The following HPSE2 variants were observed in gnomAD, a reference collection of about 807,000 sequenced individuals.
HPSE2 encodes heparanase 2 (inactive).
A neutral mutation model predicts 60.5 loss-of-function variants in HPSE2; 38 were observed. That is an observed-to-expected ratio of 0.63 (90% CI 0.48 to 0.82). The LOEUF is 0.82. HPSE2 is among the 40% of genes least tolerant of loss of function. HPSE2 has a pLI of 0.00. For missense variants in HPSE2, 713 were observed against 740.4 expected, an observed-to-expected ratio of 0.96 and a Z score of 0.43; for synonymous variants, 295 against 293.2, an observed-to-expected ratio of 1.01 and a Z score of -0.06.
chr10:98,756,194 T>C lies in HPSE2; in HGVS notation c.611-12138A>G, dbSNP rs374764905. On this transcript the variant is annotated intron_variant, in intron 3 of 11. Coordinates refer to ENST00000370552, the MANE Select transcript of HPSE2 (RefSeq NM_021828.5). ...AAAGCAGTGTTAAAAAGAAAGTTTATAGCACTAAACACCCACATGAAAAAG... is the reference window on the plus strand; with the variant it reads ...AAAGCAGTGTTAAAAAGAAAGTTTACAGCACTAAACACCCACATGAAAAAG... 3.8e-4 allele frequency among the ~76,000 whole-genome samples: 58 copies of C among 152,140 alleles called. 1 individual carries two copies. In the East Asian group the frequency reaches 8.7e-3, roughly 23 times the overall value.
At chr10:99,088,324 T>C (rs991140409) in intron 3 of HPSE2, among the ~76,000 whole-genome samples, 1 of 152,264 alleles carries the variant, frequency 6.6e-6, no homozygotes, top group South Asian at 2.1e-4. Flanking sequence ...GCAGTATACA[T>C]TGTAGCCAAT....
chr10:99,112,427 GTTT>G (rs1844504519), intron 3 of HPSE2, among the ~76,000 whole-genome samples: 1 of 148,332 alleles, frequency 6.7e-6, no homozygotes, highest in Non-Finnish European at 1.5e-5. Context: ...GTTTTGTTTT[GTTT>G]TGTTTTGTTT....
chr10:99,181,261 A>T (rs1485860885), intron 2 of HPSE2, among the ~76,000 whole-genome samples: 1 of 148,700 alleles, frequency 6.7e-6, no homozygotes, highest in Non-Finnish European at 1.5e-5. Context: ...AGCCGGGCGT[A>T]GTGGCGGGCG....
chr10:98,630,391 G>A (rs1041366056), intron 7 of HPSE2, among the ~76,000 whole-genome samples: 8 of 152,024 alleles, frequency 5.3e-5, no homozygotes, highest in African/African-American at 1.9e-4. Context: ...TAGAGACGGT[G>A]TTTCACCATG....
At chr10:98,624,209 A>G (rs1226833562) in intron 7 of HPSE2, among the ~76,000 whole-genome samples, 2 of 152,182 alleles carry the variant, frequency 1.3e-5, no homozygotes, top group Non-Finnish European at 2.9e-5. Context: ...TTAGATAATA[A>G]TAAGTGATGG....
At chr10:98,923,773 T>G (rs938834723) in intron 3 of HPSE2, among the ~76,000 whole-genome samples, 22 of 152,166 alleles carry the variant, frequency 1.4e-4, no homozygotes, top group African/African-American at 4.8e-4. Flanking sequence ...ATCTCTTTGT[T>G]AAATTTACCT....
chr10:98,988,046 T>C (rs1020643928), intron 3 of HPSE2, among the ~76,000 whole-genome samples: 1 of 152,152 alleles, frequency 6.6e-6, no homozygotes, highest in Non-Finnish European at 1.5e-5. Context: ...GAAGAATCAA[T>C]ATCGTGAAAA....
rs535625991 is a variant in HPSE2, at chr10:98,747,072, G to C, written c.611-3016C>G. ...TTGAGATTTGAGAATTATTATTCTA[G>C]GTTACTCAAAAAATAATTTGAGTAT... On this transcript the variant is annotated intron_variant, in intron 3 of 11. Coordinates refer to ENST00000370552, the MANE Select transcript of HPSE2 (RefSeq NM_021828.5). Among the ~76,000 whole-genome samples the C allele has an allele frequency of 4.6e-5, 7 of 151,878 alleles. No homozygotes were observed. In the East Asian group the frequency reaches 1.2e-3, roughly 25 times the overall value.
At chr10:99,224,430 C>A (rs946446046) in intron 2 of HPSE2, among the ~76,000 whole-genome samples, 2 of 151,804 alleles carry the variant, frequency 1.3e-5, no homozygotes, top group East Asian at 3.9e-4. Flanking sequence ...GACACACACA[C>A]ACACACACAC....
At chr10:99,220,579 C>A (rs192868263) in intron 2 of HPSE2, among the ~76,000 whole-genome samples, 1 of 151,928 alleles carries the variant, frequency 6.6e-6, no homozygotes, top group African/African-American at 2.4e-5. Context: ...CCGAGGTGGG[C>A]GGATCATGAG....
intron 3 of HPSE2, among the ~76,000 whole-genome samples, chr10:99,054,127 G>A (rs939607901): frequency 6.6e-6 from 1 of 152,068 alleles, no homozygotes; most frequent in Non-Finnish European, 1.5e-5. Context: ...TGTAATCTAC[G>A]AGACAAGACA....
chr10:99,151,845 G>A (rs1225730602), intron 2 of HPSE2, among the ~76,000 whole-genome samples: 1 of 152,174 alleles, frequency 6.6e-6, no homozygotes, highest in Non-Finnish European at 1.5e-5. Flanking sequence ...GAGCTCAGGA[G>A]TTTGAGGTTG....
the HPSE2 span, among the ~76,000 whole-genome samples, chr10:99,254,765 A>C: frequency 2.6e-5 from 4 of 152,210 alleles, no homozygotes; most frequent in Admixed American, 2.0e-4. Context: ...TATAAACTAC[A>C]GTGTGGATGA....
intron 4 of HPSE2, among the ~76,000 whole-genome samples, chr10:98,726,854 T>C (rs1274610249): frequency 6.6e-6 from 1 of 151,904 alleles, no homozygotes; most frequent in Non-Finnish European, 1.5e-5. Context: ...AGGACACTTA[T>C]AAAGGAAACA....
chr10:98,520,567 A>G lies in HPSE2; in HGVS notation c.1321-30371T>C, dbSNP rs116264975. ...CTCAAGTGGAGCCAAGCCTCACAGTAAAGTGGGCTTCGAGGCGCAAAGTAA... is the reference window on the plus strand; with the variant it reads ...CTCAAGTGGAGCCAAGCCTCACAGTGAAGTGGGCTTCGAGGCGCAAAGTAA... On this transcript the variant is annotated intron_variant, in intron 9 of 11. Coordinates refer to ENST00000370552, the MANE Select transcript of HPSE2 (RefSeq NM_021828.5). Among the ~76,000 whole-genome samples, 413 of 152,340 alleles carry G rather than the reference A, an allele frequency of 2.7e-3. 2 individuals are homozygous for G. The highest frequency in any genetic ancestry group is 9.5e-3 in the African/African-American group (395 of 41,566).
intron 3 of HPSE2, among the ~76,000 whole-genome samples, chr10:98,888,780 C>A (rs1057338050): frequency 1.3e-5 from 2 of 152,114 alleles, no homozygotes; most frequent in African/African-American, 2.4e-5. Context: ...TTTGAACATG[C>A]CATTTCTTCA....
At chr10:98,687,537 A>T (rs1947948575) in intron 6 of HPSE2, among the ~76,000 whole-genome samples, 1 of 152,222 alleles carries the variant, frequency 6.6e-6, no homozygotes, top group African/African-American at 2.4e-5. Flanking sequence ...CTGCAACCTT[A>T]ATTCCCCTTT....
At chr10:99,193,949 A>C (rs919525478) in intron 2 of HPSE2, among the ~76,000 whole-genome samples, 94 of 152,104 alleles carry the variant, frequency 6.2e-4, no homozygotes, top group Non-Finnish European at 1.5e-4. Context: ...GATCTAATGA[A>C]TATTTCATCC....
chr10:98,634,250 G>A (rs1234034419), intron 7 of HPSE2, among the ~76,000 whole-genome samples: 1 of 152,174 alleles, frequency 6.6e-6, no homozygotes, highest in African/African-American at 2.4e-5. Context: ...CCCTCGCTTT[G>A]TGCATCCTTC....
Sources: gnomAD v4.1 joint callset for allele counts (sites outside exome capture counted in the v4.1 genomes callset) on GRCh38, gnomAD v4.1.1 for gene constraint, MANE v1.5 for transcripts, NCBI Gene and HGNC (gene_info 2026-07-23, HGNC 2026-07-21) for gene names.